PLEKHH2: variants seen among roughly 807,000 people sequenced by gnomAD.
PLEKHH2 encodes the protein pleckstrin homology, MyTH4 and FERM domain containing H2.
Under a neutral mutation model 187.9 loss-of-function variants are expected in PLEKHH2, and 129 were observed. The ratio of observed to expected loss-of-function variants is 0.69; its 90% confidence interval spans 0.59 to 0.79. The LOEUF (loss-of-function observed/expected upper bound fraction) is 0.79. Ranked by LOEUF, PLEKHH2 falls within the 30% of genes least tolerant of loss-of-function variation. PLEKHH2 has a pLI of 0.00. For synonymous variants in PLEKHH2, 686 were observed against 605.6 expected, an observed-to-expected ratio of 1.13 and a Z score of -1.95; for missense variants, 2,076 against 1,751.2, an observed-to-expected ratio of 1.19 and a Z score of -3.31.
intron 2 of PLEKHH2, chr2:43,675,541 T>C (rs1386216788): frequency 6.2e-7 from 1 of 1,614,018 alleles, no homozygotes; most frequent in Non-Finnish European, 8.5e-7. Flanking sequence ...TACTACTTGC[T>C]GAGGGTTATT....
At chr2:43,691,951 A>C (rs1668818748) in intron 3 of PLEKHH2, among the ~76,000 whole-genome samples, 1 of 152,204 alleles carries the variant, frequency 6.6e-6, no homozygotes, top group Non-Finnish European at 1.5e-5. Context: ...ATGAATCAAG[A>C]AGCCCTCATT....
In PLEKHH2 at chr2:43,749,381, T is replaced by C. The variant is rs893257265; in HGVS notation, c.3653+3418T>C. Among the ~76,000 whole-genome samples the C allele has an allele frequency of 2.6e-5, 4 of 152,306 alleles. No homozygotes were observed. In the East Asian group the frequency reaches 7.7e-4, roughly 29 times the overall value. ...CAAACCAATAGATTTCTTAAGTTAT[T>C]TGATTGAAGTCTCAGCCTCCGTAAA... On this transcript the variant is annotated intron_variant, in intron 24 of 29. Coordinates refer to ENST00000282406, the MANE Select transcript of PLEKHH2 (RefSeq NM_172069.4).
chr2:43,693,213 C>T (rs1021898669), intron 4 of PLEKHH2, among the ~76,000 whole-genome samples: 5 of 152,204 alleles, frequency 3.3e-5, no homozygotes, highest in African/African-American at 4.8e-5. Flanking sequence ...GCATGAGCCA[C>T]CATGCCCAGC....
intron 9 of PLEKHH2, among the ~76,000 whole-genome samples, chr2:43,705,801 G>C (rs1164339778): frequency 6.6e-6 from 1 of 151,600 alleles, no homozygotes; most frequent in East Asian, 1.9e-4. Context: ...TAGAGAAAGG[G>C]TTTTGCCATG....
intron 23 of PLEKHH2, among the ~76,000 whole-genome samples, chr2:43,744,618 A>G (rs1401939981): frequency 6.6e-6 from 1 of 152,226 alleles, no homozygotes. Flanking sequence ...CTGTAATCCA[A>G]GCACTTTGGG....
At chr2:43,668,641 T>C (rs913324279) in intron 2 of PLEKHH2, among the ~76,000 whole-genome samples, 1 of 152,158 alleles carries the variant, frequency 6.6e-6, no homozygotes, top group Non-Finnish European at 1.5e-5. Context: ...TTCTCTAAAG[T>C]ACAATGAATG....
Position 43,655,482 on chromosome 2 carries a change from CA to C in PLEKHH2, c.123+10688del, listed in dbSNP as rs532224015. On this transcript the variant is annotated intron_variant, in intron 2 of 29. Transcript: ENST00000282406. ...TTTCTGGAACAGAAACCAGCACCTT[CA>C]ATTTGAACTTTCATGAAGCTCTTAA... Among the ~76,000 whole-genome samples, 506 of 152,268 alleles carry C rather than the reference CA, an allele frequency of 3.3e-3. 2 individuals carry two copies. The highest frequency in any genetic ancestry group is 0.011 in the African/African-American group (458 of 41,550).
chr2:43,760,384 A>G (rs1446957700), intron 27 of PLEKHH2, among the ~76,000 whole-genome samples: 10 of 112,108 alleles, frequency 8.9e-5, no homozygotes, highest in African/African-American at 3.9e-4. Flanking sequence ...TTTTTTTGAG[A>G]CGGAGTCTCA....
At chr2:43,722,104 A>AT (rs1489935171) in intron 16 of PLEKHH2, among the ~76,000 whole-genome samples, 2 of 151,846 alleles carry the variant, frequency 1.3e-5, no homozygotes, top group African/African-American at 4.8e-5. Context: ...AAAAAAAAAA[A>AT]AATTAGCCAG....
At chr2:43,764,648 C>T (rs1176778255) in intron 29 of PLEKHH2, among the ~76,000 whole-genome samples, 1 of 152,112 alleles carries the variant, frequency 6.6e-6, no homozygotes, top group Non-Finnish European at 1.5e-5. Context: ...GTACTTAGCC[C>T]AATGCCAGGT....
intron 27 of PLEKHH2, among the ~76,000 whole-genome samples, chr2:43,761,518 C>A (rs1411027383): frequency 6.7e-6 from 1 of 150,206 alleles, no homozygotes; most frequent in Non-Finnish European, 1.5e-5. Context: ...TCCAGCTGTT[C>A]TCCTGTCTCA....
Position 43,670,751 on chromosome 2 carries a change from T to C in PLEKHH2, c.124-8112T>C, listed in dbSNP as rs183204705. On this transcript the variant is annotated intron_variant, in intron 2 of 29. Transcript: ENST00000282406. ...TTTGATTAAGACTGGGTGGAATCTA[T>C]AGGTCAATTGGAAGAGAACTGACAA... Among the ~76,000 whole-genome samples the C allele has an allele frequency of 2.1e-3, 314 of 152,288 alleles. 1 individual carries two copies. Among genetic ancestry groups the C allele is most frequent in the African/African-American group, 7.3e-3 (302 of 41,578 alleles).
intron 15 of PLEKHH2, among the ~76,000 whole-genome samples, chr2:43,719,559 C>G (rs1670379500): frequency 6.6e-6 from 1 of 152,172 alleles, no homozygotes; most frequent in African/African-American, 2.4e-5. Flanking sequence ...CCTGTCTCAG[C>G]CTCCTGAGTA....
Position 43,745,055 on chromosome 2 carries a change from T to C in PLEKHH2, c.3556-811T>C, listed in dbSNP as rs1355799275. ...TAGGCCGGGTGTGGTGGCTCACGCC[T>C]GTAATCCCAGCACTTTGGGAGGCCA... is the stretch of plus-strand genomic sequence containing the variant. On this transcript the variant is annotated intron_variant, in intron 23 of 29. Coordinates refer to ENST00000282406, the MANE Select transcript of PLEKHH2 (RefSeq NM_172069.4). Among the ~76,000 whole-genome samples the C allele has an allele frequency of 3.3e-5, 5 of 152,268 alleles. No individual in the cohort carries two copies. In the East Asian group the frequency reaches 7.7e-4, roughly 24 times the overall value.
At chr2:43,653,276 A>G (rs368101431) in intron 2 of PLEKHH2, among the ~76,000 whole-genome samples, 3 of 152,332 alleles carry the variant, frequency 2.0e-5, no homozygotes, top group East Asian at 1.9e-4. Flanking sequence ...CAAAGAAAAG[A>G]TTCTGCAAGC....
intron 11 of PLEKHH2, 78 bp from the exon 12 acceptor site, chr2:43,709,912 C>T: frequency 1.5e-6 from 2 of 1,348,570 alleles, no homozygotes; most frequent in East Asian, 4.6e-5. Context: ...TAATTGCATT[C>T]TGTAGGAGCA....
chr2:43,759,034 G>C lies in PLEKHH2; in HGVS notation c.4071+5G>C, dbSNP rs560346525. 1.9e-6 allele frequency: 3 copies of C among 1,611,284 alleles called. No individual in the cohort carries two copies. Among genetic ancestry groups the C allele is most frequent in the Non-Finnish European group, 2.5e-6 (3 of 1,178,088 alleles). On this transcript the variant is annotated splice_donor_5th_base_variant and intron_variant, in intron 27 of 29. Coordinates refer to ENST00000282406, the MANE Select transcript of PLEKHH2 (RefSeq NM_172069.4). Reference sequence around the variant, plus strand: ...GCCAAGTTGTTTCTTGCAAAAGTAAGAAAGAATGGGAGAGAGATGCATAAT... The same window carrying C: ...GCCAAGTTGTTTCTTGCAAAAGTAACAAAGAATGGGAGAGAGATGCATAAT...
chr2:43,711,419 C>A (rs6713194), intron 14 of PLEKHH2: 536,549 of 978,320 alleles, frequency 0.55, 149,951 homozygotes, highest in African/African-American at 0.79. Context: ...GAGACTGGAA[C>A]ATTCTGAGTT....
At chr2:43,680,860 G>A (rs1668139688) in intron 3 of PLEKHH2, 15 of 530,322 alleles carry the variant, frequency 2.8e-5, no homozygotes, top group African/African-American at 1.9e-5. Flanking sequence ...TTGTTCCATA[G>A]CATAGTCACA....
Sources: allele counts gnomAD v4.1 joint callset (sites outside exome capture counted in the v4.1 genomes callset), GRCh38; gene constraint gnomAD v4.1.1; transcripts MANE v1.5; gene names NCBI Gene and HGNC (gene_info 2026-07-23, HGNC 2026-07-21).